FARS2: variants seen among roughly 807,000 people sequenced by gnomAD.
FARS2 encodes phenylalanine--tRNA ligase, mitochondrial.
FARS2 carries 40 observed loss-of-function variants against 46.4 expected under a neutral mutation model. The ratio of observed to expected loss-of-function variants is 0.86; its 90% CI spans 0.67 to 1.12. The LOEUF (loss-of-function observed/expected upper bound fraction) is 1.12, where lower values mean the gene tolerates loss of function less well. FARS2 is among the 50% of genes most tolerant of loss of function. FARS2 has a pLI of 0.00. For missense variants in FARS2, 513 were observed against 567.9 expected (o/e 0.90, Z 0.98); for synonymous variants, 234 against 214.9 (o/e 1.09, Z -0.78).
chr6:5,691,897 C>A (rs1350632622), intron 6 of FARS2, among the ~76,000 whole-genome samples: 1 of 152,222 alleles, frequency 6.6e-6, no homozygotes, highest in African/African-American at 2.4e-5. Context: ...GCAGGTGCCC[C>A]TCCCCTAGCC....
At chr6:5,638,060 G>A (rs1356558849) in intron 6 of FARS2, among the ~76,000 whole-genome samples, 2 of 152,192 alleles carry the variant, frequency 1.3e-5, no homozygotes, top group African/African-American at 4.8e-5. Flanking sequence ...GGTGATGAAA[G>A]CCAGGAGAGC....
intron 6 of FARS2, among the ~76,000 whole-genome samples, chr6:5,620,112 G>A (rs1466102450): frequency 2.0e-5 from 3 of 151,794 alleles, no homozygotes; most frequent in Non-Finnish European, 4.4e-5. Context: ...TTTGGGCCTG[G>A]TAACTCTTTG....
Position 5,395,276 on chromosome 6 carries a change from C to G in FARS2, c.613-9266C>G, listed in dbSNP as rs546183099. ...ATGTTGGCCAGGCTGGTCTTGAGCTCCTGACCTCAAGGAATCCACCTGCCT... is the reference window on the plus strand; with the variant it reads ...ATGTTGGCCAGGCTGGTCTTGAGCTGCTGACCTCAAGGAATCCACCTGCCT... On this transcript the variant is annotated intron_variant, in intron 2 of 6. Coordinates refer to ENST00000274680, the MANE Select transcript of FARS2 (RefSeq NM_006567.5). Among the ~76,000 whole-genome samples, 19 of 152,250 alleles carry G rather than the reference C, an allele frequency of 1.2e-4. No homozygotes were observed. The East Asian group carries it at 3.7e-3, about 29-fold the overall frequency.
chr6:5,537,567 T>TCCTCTCGAGTTGGAGATGTCCCAGGCC (rs1561694831), intron 4 of FARS2, among the ~76,000 whole-genome samples: 9 of 52,332 alleles, frequency 1.7e-4, no homozygotes, highest in African/African-American at 7.3e-4. Flanking sequence ...TGTCCCGGGC[T>TCCTCTCGAGTTGGAGATGTCCCAGGCC]TCCTCTCGAG....
chr6:5,333,244 C>T (rs1770924703), intron 1 of FARS2, among the ~76,000 whole-genome samples: 2 of 152,168 alleles, frequency 1.3e-5, no homozygotes, highest in Non-Finnish European at 2.9e-5. Context: ...GAGAAAGAGA[C>T]TTGTGTCTCT....
intron 2 of FARS2, among the ~76,000 whole-genome samples, chr6:5,378,770 TA>T (rs1405388498): frequency 2.6e-5 from 4 of 152,226 alleles, no homozygotes; most frequent in African/African-American, 9.6e-5. Flanking sequence ...AAGACACACT[TA>T]AATTCAAACA....
chr6:5,463,041 G>C (rs921008504), intron 4 of FARS2, among the ~76,000 whole-genome samples: 5 of 152,230 alleles, frequency 3.3e-5, no homozygotes, highest in Non-Finnish European at 5.9e-5. Context: ...ATTGTGGTGA[G>C]AAAGTAGTGT....
chr6:5,626,965 A>G lies in FARS2; in HGVS notation c.1217+13645A>G, dbSNP rs948636262. Among the ~76,000 whole-genome samples, 8 of 152,364 alleles carry G rather than the reference A, an allele frequency of 5.3e-5. No homozygotes were observed. The South Asian group carries it at 1.7e-3, about 32-fold the overall frequency. On this transcript the variant is annotated intron_variant, in intron 6 of 6. Coordinates refer to ENST00000274680, the MANE Select transcript of FARS2 (RefSeq NM_006567.5). The stretch of plus-strand genomic sequence containing the variant: ...AGCATGTTACTGTATTGAATACTGT[A>G]GGGAGTTGTAACACAATGTTAAGTA...
chr6:5,364,068 A>T (rs977966519), intron 1 of FARS2, among the ~76,000 whole-genome samples: 18 of 152,100 alleles, frequency 1.2e-4, no homozygotes, highest in African/African-American at 4.1e-4. Context: ...AAACAACAAA[A>T]ATCCATTCTG....
At chr6:5,523,507 G>A (rs562949134) in intron 4 of FARS2, among the ~76,000 whole-genome samples, 3 of 152,020 alleles carry the variant, frequency 2.0e-5, no homozygotes, top group South Asian at 2.1e-4. Flanking sequence ...GGGCATGGGC[G>A]ATGTCATATC....
At chr6:5,283,202 A>G (rs144805100) in intron 1 of FARS2, among the ~76,000 whole-genome samples, 1,788 of 152,086 alleles carry the variant, frequency 0.012, 27 homozygotes, top group African/African-American at 0.04. Flanking sequence ...AAGAAACCCC[A>G]TCTCTACTAA....
At chr6:5,690,327 G>A (rs970620736) in intron 6 of FARS2, among the ~76,000 whole-genome samples, 1 of 152,098 alleles carries the variant, frequency 6.6e-6, no homozygotes, top group Non-Finnish European at 1.5e-5. Flanking sequence ...ATTTTGCAGT[G>A]GCTAGTACTG....
At chr6:5,566,352 C>T (rs1364029268) in intron 5 of FARS2, among the ~76,000 whole-genome samples, 1 of 152,068 alleles carries the variant, frequency 6.6e-6, no homozygotes, top group Non-Finnish European at 1.5e-5. Flanking sequence ...CCAAAACTCT[C>T]ACAATGCGAA....
At chr6:5,681,614 C>T (rs376579790) in intron 6 of FARS2, among the ~76,000 whole-genome samples, 11 of 152,330 alleles carry the variant, frequency 7.2e-5, no homozygotes, top group African/African-American at 2.4e-4. Context: ...ATTTTAACAA[C>T]GAAAGGTGGG....
chr6:5,762,077 A>G (rs1016740493), intron 6 of FARS2, among the ~76,000 whole-genome samples: 4 of 152,210 alleles, frequency 2.6e-5, no homozygotes, highest in Non-Finnish European at 5.9e-5. Context: ...CATGTATCAT[A>G]TCAGTGATCC....
intron 1 of FARS2, among the ~76,000 whole-genome samples, chr6:5,308,571 A>G (rs1194674334): frequency 6.6e-6 from 1 of 152,240 alleles, no homozygotes; most frequent in African/African-American, 2.4e-5. Flanking sequence ...CTTGAATGTG[A>G]CAGCAATGTC....
At chr6:5,565,492 G>A (rs1772272134) in intron 5 of FARS2, among the ~76,000 whole-genome samples, 1 of 152,148 alleles carries the variant, frequency 6.6e-6, no homozygotes, top group Non-Finnish European at 1.5e-5. Context: ...GACAACAATT[G>A]TTTGTGAATG....
chr6:5,741,128 A>G (rs942582128), intron 6 of FARS2, among the ~76,000 whole-genome samples: 6 of 152,216 alleles, frequency 3.9e-5, no homozygotes, highest in African/African-American at 9.6e-5. Flanking sequence ...ATCTTAAAGC[A>G]TCCTGAGAGT....
chr6:5,330,536 C>T (rs576936792), intron 1 of FARS2, among the ~76,000 whole-genome samples: 12 of 152,048 alleles, frequency 7.9e-5, no homozygotes, highest in Admixed American at 5.9e-4. Flanking sequence ...ATAACTGTAG[C>T]GCATCTTCAT....
Sources: gnomAD v4.1 joint callset for allele counts (sites outside exome capture counted in the v4.1 genomes callset) on GRCh38, gnomAD v4.1.1 for gene constraint, MANE v1.5 for transcripts, NCBI Gene and HGNC (gene_info 2026-07-23, HGNC 2026-07-21) for gene names.